SCML2: variants seen among roughly 807,000 people sequenced by gnomAD.
SCML2 encodes sex comb on midleg-like protein 2.
Under a neutral mutation model 48.4 loss-of-function variants are expected in SCML2, and 6 were observed. The ratio of observed to expected loss-of-function variants is 0.12; its 90% CI spans 0.07 to 0.24. The LOEUF (loss-of-function observed/expected upper bound fraction) is 0.24, where lower values mean the gene tolerates loss of function less well. Ranked by LOEUF, SCML2 falls within the 10% of genes least tolerant of loss-of-function variation. SCML2 has a pLI of 1.00. For missense variants in SCML2, 377 were observed against 528.2 expected (o/e 0.71, Z 2.81); for synonymous variants, 181 against 189.5 (o/e 0.95, Z 0.37).
intron 6 of SCML2, among the ~76,000 whole-genome samples, chrX:18,307,098 C>T (rs1441895709): frequency 9.0e-6 from 1 of 111,242 alleles, no homozygotes; most frequent in African/African-American, 3.3e-5. Flanking sequence ...GCCTGGGCAA[C>T]AAGACGAAAC....
chrX:18,340,576 A>G (rs981546952), intron 1 of SCML2, among the ~76,000 whole-genome samples: 8 of 111,680 alleles, frequency 7.2e-5, no homozygotes, highest in Non-Finnish European at 1.5e-4. Flanking sequence ...TTGGGAGGCC[A>G]CGGCGGGCAG....
At position 18,347,721 on chromosome X, in the gene SCML2, CT is replaced by C. The variant is rs1387581030; in HGVS notation, c.-25+6870del. ...CCTGGGTGACAGAGCAAGACTCCGT[CT>C]CAAAAAAAAAAAAAAAAAAAAAAAA... On this transcript the variant is annotated intron_variant, in intron 1 of 14. Coordinates refer to ENST00000251900, the MANE Select transcript of SCML2 (RefSeq NM_006089.3). 2.5e-3 allele frequency among the ~76,000 whole-genome samples: 94 copies of C among 37,749 alleles called. 1 individual carries two copies. The highest frequency in any genetic ancestry group is 9.3e-3 in the African/African-American group (82 of 8,794). The allele number at this position is 37,749 out of a possible 115,157, so 32.8% of individuals were successfully genotyped here.
At chrX:18,344,514 A>G (rs955627695) in intron 1 of SCML2, among the ~76,000 whole-genome samples, 10 of 111,920 alleles carry the variant, frequency 8.9e-5, no homozygotes, top group African/African-American at 3.2e-4. Context: ...TAGCTCTCAT[A>G]ATTCCCTCAT....
At chrX:18,331,102 T>C (rs190187183) in intron 2 of SCML2, among the ~76,000 whole-genome samples, 1 of 107,137 alleles carries the variant, frequency 9.3e-6, no homozygotes, top group Non-Finnish European at 1.9e-5. Flanking sequence ...CTCCTAAAAA[T>C]AGAAAAAATT....
At chrX:18,317,434 T>C (rs1356942258) in intron 6 of SCML2, among the ~76,000 whole-genome samples, 2 of 106,266 alleles carry the variant, frequency 1.9e-5, no homozygotes, top group Non-Finnish European at 3.9e-5. Flanking sequence ...TGAAATGAAA[T>C]AGAATGATTT....
At chrX:18,351,329 T>C (rs1363829270) in intron 1 of SCML2, among the ~76,000 whole-genome samples, 8 of 110,928 alleles carry the variant, frequency 7.2e-5, no homozygotes, top group African/African-American at 2.6e-4. Context: ...TTTTAGTTCC[T>C]GGAATCAACA....
intron 7 of SCML2, among the ~76,000 whole-genome samples, chrX:18,271,611 T>TCC (rs1457582071): frequency 4.8e-4 from 52 of 109,138 alleles, no homozygotes; most frequent in African/African-American, 1.6e-3. Context: ...AAGCAGAGTA[T>TCC]CCCCCCGTTA....
chrX:18,293,369 C>T (rs1034537571), intron 7 of SCML2, among the ~76,000 whole-genome samples: 12 of 111,369 alleles, frequency 1.1e-4, no homozygotes, highest in African/African-American at 3.9e-4. Context: ...CATGCATTAT[C>T]TTTGGGTGAA....
chrX:18,279,344 C>T (rs777120731), intron 7 of SCML2, among the ~76,000 whole-genome samples: 2 of 112,783 alleles, frequency 1.8e-5, no homozygotes, highest in Admixed American at 1.9e-4. Context: ...AGGGCACTGG[C>T]CCCTTGAAAG....
chrX:18,297,873 G>T (rs974622089), intron 7 of SCML2, among the ~76,000 whole-genome samples: 3 of 110,862 alleles, frequency 2.7e-5, no homozygotes, highest in Admixed American at 9.6e-5. Context: ...GCTGGGCATG[G>T]TGACACATGC....
intron 7 of SCML2, among the ~76,000 whole-genome samples, chrX:18,302,771 C>A (rs1025243393): frequency 2.1e-4 from 24 of 111,962 alleles, no homozygotes; most frequent in African/African-American, 7.8e-4. Flanking sequence ...ACTCTCAAAC[C>A]TGCTTTGTCA....
chrX:18,301,097 TGAAAA>T (rs1469859036), intron 7 of SCML2, among the ~76,000 whole-genome samples: 11 of 111,553 alleles, frequency 9.9e-5, no homozygotes, highest in African/African-American at 3.3e-4. Context: ...TTTTCAAGTG[TGAAAA>T]GAAAAGAATT....
At chrX:18,264,141 T>C (rs1263514038) in intron 8 of SCML2, among the ~76,000 whole-genome samples, 2 of 111,765 alleles carry the variant, frequency 1.8e-5, no homozygotes, top group Non-Finnish European at 3.8e-5. Context: ...TTTCTCTTTC[T>C]TTTCCTTTTG....
chrX:18,314,133 T>C (rs867247242), intron 6 of SCML2, among the ~76,000 whole-genome samples: 63 of 112,260 alleles, frequency 5.6e-4, no homozygotes, highest in African/African-American at 1.9e-3. Context: ...ATCTACCAAA[T>C]AGTCAAAAAT....
At chrX:18,342,011 A>G (rs184678971) in intron 1 of SCML2, among the ~76,000 whole-genome samples, 6 of 112,165 alleles carry the variant, frequency 5.3e-5, no homozygotes, top group Admixed American at 4.7e-4. Context: ...TGGTGGCAAT[A>G]GATGCAGACA....
intron 8 of SCML2, among the ~76,000 whole-genome samples, chrX:18,263,538 T>C (rs1195416004): frequency 8.9e-6 from 1 of 111,774 alleles, no homozygotes; most frequent in East Asian, 2.8e-4. Context: ...TGTCCTCACC[T>C]TCATTCTTTT....
At chrX:18,319,679 C>A in intron 6 of SCML2, among the ~76,000 whole-genome samples, 1 of 109,667 alleles carries the variant, frequency 9.1e-6, no homozygotes. Flanking sequence ...AAATATATTT[C>A]TATTATTTAA....
chrX:18,318,254 C>A (rs967572414), intron 6 of SCML2, among the ~76,000 whole-genome samples: 4 of 112,953 alleles, frequency 3.5e-5, no homozygotes, highest in African/African-American at 9.6e-5. Flanking sequence ...ATTCATCTTA[C>A]TCAGAGGCGT....
intron 9 of SCML2, among the ~76,000 whole-genome samples, chrX:18,259,389 CAT>C (rs754396346): frequency 4.5e-5 from 5 of 111,855 alleles, no homozygotes; most frequent in Admixed American, 9.5e-5. Context: ...TTCACACACA[CAT>C]AGTCTATATT....
Sources: allele counts gnomAD v4.1 joint callset (sites outside exome capture counted in the v4.1 genomes callset), GRCh38; gene constraint gnomAD v4.1.1; transcripts MANE v1.5; gene names NCBI Gene and HGNC (gene_info 2026-07-23, HGNC 2026-07-21).